Variants in ISM1 observed in about 807,000 individuals in gnomAD.
ISM1 encodes isthmin-1.
Under a neutral mutation model 46.3 loss-of-function variants are expected in ISM1, and 25 were observed. The observed-to-expected ratio is 0.54, with a 90% confidence interval of 0.39 to 0.75. ISM1 has a LOEUF of 0.75. ISM1 is among the 30% of genes least tolerant of loss of function. The probability of loss-of-function intolerance (pLI) is 0.00; values close to 1 mark genes in which losing one functional copy is unlikely to be tolerated. For missense variants in ISM1, 536 were observed against 625.4 expected (o/e 0.86, Z 1.52); for synonymous variants, 255 against 256.7 (o/e 0.99, Z 0.06).
chr20:13,295,163 C>T (rs969662374), intron 5 of ISM1, among the ~76,000 whole-genome samples: 5 of 152,168 alleles, frequency 3.3e-5, no homozygotes, highest in African/African-American at 1.2e-4. Flanking sequence ...CTCCAAAGTC[C>T]ACCAGCCACC....
chr20:13,286,654 C>A (rs1007410437), intron 3 of ISM1, among the ~76,000 whole-genome samples: 1 of 152,110 alleles, frequency 6.6e-6, no homozygotes, highest in Non-Finnish European at 1.5e-5. Flanking sequence ...ATGAAATCCA[C>A]CCCCCACCAC....
At chr20:13,274,883 G>A (rs2040160362) in intron 2 of ISM1, among the ~76,000 whole-genome samples, 1 of 152,150 alleles carries the variant, frequency 6.6e-6, no homozygotes, top group African/African-American at 2.4e-5. Context: ...AATGGTCTCA[G>A]ACTACTAAAC....
At chr20:13,258,361 G>A (rs1451857327) in intron 1 of ISM1, among the ~76,000 whole-genome samples, 1 of 152,052 alleles carries the variant, frequency 6.6e-6, no homozygotes, top group Admixed American at 6.5e-5. Flanking sequence ...CTTCAGGCCT[G>A]GAGATGTGAG....
intron 1 of ISM1, among the ~76,000 whole-genome samples, chr20:13,265,422 G>A (rs150200732): frequency 6.6e-6 from 1 of 152,262 alleles, no homozygotes; most frequent in East Asian, 1.9e-4. Flanking sequence ...GATTTTGATA[G>A]ATTCAGTGTA....
At chr20:13,285,462 C>T (rs2040281415) in intron 3 of ISM1, among the ~76,000 whole-genome samples, 1 of 152,128 alleles carries the variant, frequency 6.6e-6, no homozygotes, top group Admixed American at 6.6e-5. Flanking sequence ...TGAGGGGTGC[C>T]CAGCTGTGTA....
At chr20:13,326,532 A>AT in the ISM1 span, among the ~76,000 whole-genome samples, 80,229 of 151,714 alleles carry the variant, frequency 0.53, 23,217 homozygotes, top group African/African-American at 0.76. Flanking sequence ...CTTGGTATGA[A>AT]TTTTTTTTAT....
chr20:13,320,255 T>A, the ISM1 span, among the ~76,000 whole-genome samples: 1 of 152,166 alleles, frequency 6.6e-6, no homozygotes, highest in East Asian at 1.9e-4. Context: ...GAGTGTGAGT[T>A]GAGCAAAAAT....
the ISM1 span, among the ~76,000 whole-genome samples, chr20:13,314,837 A>G: frequency 2.0e-5 from 3 of 152,124 alleles, no homozygotes; most frequent in African/African-American, 7.2e-5. Context: ...CTATATGTTT[A>G]TACATGCATG....
chr20:13,292,237 T>A, intron 4 of ISM1, 137 bp from the exon 5 acceptor site: 1 of 620,102 alleles, frequency 1.6e-6, no homozygotes. Context: ...GTTTCCTCTG[T>A]TGGCAAGTTT....
chr20:13,253,109 G>A (rs950890515), intron 1 of ISM1, among the ~76,000 whole-genome samples: 1 of 152,204 alleles, frequency 6.6e-6, no homozygotes, highest in Admixed American at 6.5e-5. Context: ...TCCATTTGGG[G>A]TACTTGCTAC....
At chr20:13,284,172 G>A (rs113871027) in intron 3 of ISM1, among the ~76,000 whole-genome samples, 2 of 152,218 alleles carry the variant, frequency 1.3e-5, no homozygotes, top group African/African-American at 2.4e-5. Flanking sequence ...CAAGCCCTCA[G>A]TAATCGGTAG....
chr20:13,267,908 C>A lies in ISM1; in HGVS notation c.139-2596C>A, dbSNP rs1421390804. On this transcript the variant is annotated intron_variant, in intron 1 of 5. Coordinates refer to ENST00000262487, the MANE Select transcript of ISM1 (RefSeq NM_080826.2). ...AAGCAATTGGGAAGCAAATTCTGGGCCCCTTCCAAGATTTGTAATCCTAAA... is the reference window on the plus strand; with the variant it reads ...AAGCAATTGGGAAGCAAATTCTGGGACCCTTCCAAGATTTGTAATCCTAAA... Among the ~76,000 whole-genome samples the A allele has an allele frequency of 4.6e-5, 7 of 152,242 alleles. No homozygotes were observed. In the South Asian group the frequency reaches 6.2e-4, roughly 14 times the overall value.
chr20:13,267,467 G>T (rs1386943110), intron 1 of ISM1, among the ~76,000 whole-genome samples: 1 of 152,196 alleles, frequency 6.6e-6, no homozygotes, highest in East Asian at 1.9e-4. Flanking sequence ...CCCTTTCCAT[G>T]TGTAGACACA....
At chr20:13,315,973 A>C in the ISM1 span, among the ~76,000 whole-genome samples, 1 of 151,982 alleles carries the variant, frequency 6.6e-6, no homozygotes, top group African/African-American at 2.4e-5. Flanking sequence ...AACTTACCAA[A>C]ATTTGTAGGA....
At chr20:13,225,791 G>C (rs930957429) in intron 1 of ISM1, among the ~76,000 whole-genome samples, 2 of 152,080 alleles carry the variant, frequency 1.3e-5, no homozygotes, top group South Asian at 2.1e-4. Context: ...TAGTTCATTA[G>C]AATAAGTTTG....
chr20:13,231,834 C>T (rs2039591829), intron 1 of ISM1, among the ~76,000 whole-genome samples: 1 of 152,100 alleles, frequency 6.6e-6, no homozygotes, highest in Non-Finnish European at 1.5e-5. Flanking sequence ...TTTGAGTACC[C>T]CAATCACCAA....
At chr20:13,225,859 T>C (rs1004004135) in intron 1 of ISM1, among the ~76,000 whole-genome samples, 3 of 152,132 alleles carry the variant, frequency 2.0e-5, no homozygotes, top group Non-Finnish European at 2.9e-5. Context: ...TTAATGTTAA[T>C]GATAAAACAT....
At chr20:13,289,020 T>C (rs1447339949) in intron 4 of ISM1, among the ~76,000 whole-genome samples, 1 of 152,104 alleles carries the variant, frequency 6.6e-6, no homozygotes, top group African/African-American at 2.4e-5. Context: ...ATTCCTGACC[T>C]TGTGATCCGC....
intron 1 of ISM1, among the ~76,000 whole-genome samples, chr20:13,261,685 C>T (rs1468930499): frequency 1.3e-5 from 2 of 152,174 alleles, no homozygotes. Context: ...CGTCCAATGA[C>T]CTTTGAAACC....
Sources: gnomAD v4.1 joint callset for allele counts (sites outside exome capture counted in the v4.1 genomes callset) on GRCh38, gnomAD v4.1.1 for gene constraint, MANE v1.5 for transcripts, NCBI Gene and HGNC (gene_info 2026-07-23, HGNC 2026-07-21) for gene names.